Variants in ABCC3 observed in about 807,000 individuals in gnomAD.
ABCC3 encodes the protein ATP binding cassette subfamily C member 3, also known as ATP-binding cassette sub-family C member 3.
Under a neutral mutation model 165.3 loss-of-function variants are expected in ABCC3, and 121 were observed. The observed-to-expected ratio is 0.73, with a 90% CI of 0.63 to 0.85. The LOEUF (loss-of-function observed/expected upper bound fraction) is 0.85. Ranked by LOEUF, ABCC3 falls within the 40% of genes least tolerant of loss-of-function variation. The pLI is 0.00. For synonymous variants in ABCC3, 733 were observed against 810.1 expected (o/e 0.90, Z 1.62); for missense variants, 1,869 against 1,964.1 (o/e 0.95, Z 0.92).
In ABCC3 at chr17:50,676,427, T is replaced by C; in HGVS notation, c.3217T>C (p.Ser1073Pro). 6.2e-7 allele frequency: 1 copy of C among 1,614,200 alleles called. No homozygotes were observed. The highest frequency in any genetic ancestry group is 1.1e-5 in the South Asian group (1 of 91,088). The stretch of plus-strand genomic sequence containing the variant: ...ATCAGGCCGCATCCTGAACTGCTTC[T>C]CCAAGGACATCTATGTCGTTGATGA... ...TPSGRILNCFSKDIYVVDEVL... is the reference protein window; with the variant it reads ...TPSGRILNCFPKDIYVVDEVL... The change falls in exon 23 of 31, where the codon TCC (serine) becomes CCC (proline). Residue 1073 changes from serine (S) to proline (P), a missense_variant. By Grantham distance (74) the Ser-to-Pro change is moderately conservative. Transcript: ENST00000285238.
intron 17 of ABCC3, among the ~76,000 whole-genome samples, chr17:50,670,999 C>G (rs1436267811): frequency 6.6e-6 from 1 of 152,010 alleles, no homozygotes; most frequent in Non-Finnish European, 1.5e-5. Flanking sequence ...GGCATGGTGG[C>G]TCCCAGCACT....
intron 1 of ABCC3, among the ~76,000 whole-genome samples, chr17:50,648,567 G>A (rs894441948): frequency 6.6e-6 from 1 of 152,164 alleles, no homozygotes; most frequent in Non-Finnish European, 1.5e-5. Flanking sequence ...CAGTTGTTGG[G>A]GGAGTCTTCC....
rs762064825 is a variant in ABCC3, at chr17:50,687,618, G to T, written c.4363G>T (p.Ala1455Ser). 13 of 1,614,250 alleles carry T rather than the reference G, an allele frequency of 8.1e-6. No individual in the cohort carries two copies. Among genetic ancestry groups the T allele is most frequent in the Non-Finnish European group, 6.8e-6 (8 of 1,180,050 alleles). Residue 1455 changes from alanine (A) to serine (S), a missense_variant, in exon 30 of 31, where the codon GCC (alanine) becomes TCC (serine). By Grantham distance (99) the Ala-to-Ser change is moderately conservative (BLOSUM62 1). Coordinates refer to ENST00000285238, the MANE Select transcript of ABCC3 (RefSeq NM_003786.4). ...RILVLDEATA[A>S]IDLETDNLIQ... ...CCTGGTTTTAGACGAGGCCACAGCT[G>T]CCATCGACCTGGAGACTGACAACCT...
chr17:50,643,675 C>T (rs1216341356), intron 1 of ABCC3: 1 of 455,750 alleles, frequency 2.2e-6, no homozygotes, highest in East Asian at 7.0e-5. Context: ...GGTTTTCAGC[C>T]AGGCCTGTCA....
intron 14 of ABCC3, 73 bp from the exon 15 acceptor site, chr17:50,668,780 C>T (rs1967580116): frequency 1.5e-6 from 2 of 1,293,250 alleles, no homozygotes; most frequent in African/African-American, 1.5e-5. Context: ...CTTTCCCCTG[C>T]CCCCCAGCCT....
intron 1 of ABCC3, among the ~76,000 whole-genome samples, chr17:50,640,345 A>G (rs1415664026): frequency 6.6e-6 from 1 of 152,230 alleles, no homozygotes; most frequent in Admixed American, 6.5e-5. Flanking sequence ...GTCTAATCCC[A>G]GCATCAGCCC....
chr17:50,657,095 C>T lies in ABCC3; in HGVS notation c.398C>T (p.Ser133Phe), dbSNP rs752095627. 6.2e-7 allele frequency: 1 copy of T among 1,614,170 alleles called. No individual in the cohort carries two copies. Among genetic ancestry groups the T allele is most frequent in the Admixed American group, 1.7e-5 (1 of 60,016 alleles). The change falls in exon 4 of 31, where the codon TCT (serine) becomes TTT (phenylalanine). Residue 133 changes from serine to phenylalanine, a missense_variant. Coordinates refer to ENST00000285238, the MANE Select transcript of ABCC3 (RefSeq NM_003786.4). Reference sequence around the variant, plus strand: ...TATGAGCGGCTGCAGGGCGTACAGTCTTCGGGGGTCCTCATTATCTTCTGG... The same window carrying T: ...TATGAGCGGCTGCAGGGCGTACAGTTTTCGGGGGTCCTCATTATCTTCTGG... ...IQYERLQGVQ[S>F]SGVLIIFWFL...
At chr17:50,674,125 G>C (rs977660639) in intron 19 of ABCC3, 2 of 149,038 alleles carry the variant, frequency 1.3e-5, no homozygotes, top group Non-Finnish European at 2.9e-5. Context: ...GGAGTGCAGT[G>C]GTACAATCTC....
chr17:50,636,368 G>A (rs544701378), intron 1 of ABCC3, among the ~76,000 whole-genome samples: 1 of 151,036 alleles, frequency 6.6e-6, no homozygotes, highest in Non-Finnish European at 1.5e-5. Flanking sequence ...GGCAATGGAG[G>A]TAAAAAAAAA....
In ABCC3 at chr17:50,668,850, C is replaced by T. The variant is rs771243644; in HGVS notation, c.1871-3C>T. On this transcript the variant is annotated splice_region_variant and splice_polypyrimidine_tract_variant and intron_variant, in intron 14 of 30. Transcript: ENST00000285238. ...CTGACCCTGCCCACCTTGGTCCTCTCAGGCTATGCCATCACCATACACAGT... is the reference window on the plus strand; with the variant it reads ...CTGACCCTGCCCACCTTGGTCCTCTTAGGCTATGCCATCACCATACACAGT... 1.2e-6 allele frequency: 2 copies of T among 1,613,880 alleles called. No individual in the cohort carries two copies. Among genetic ancestry groups the T allele is most frequent in the Non-Finnish European group, 1.7e-6 (2 of 1,179,878 alleles).
At chr17:50,645,599 T>C (rs1293940955) in intron 1 of ABCC3, among the ~76,000 whole-genome samples, 2 of 152,068 alleles carry the variant, frequency 1.3e-5, no homozygotes, top group Non-Finnish European at 2.9e-5. Flanking sequence ...TGTATGTGTG[T>C]GTGTGTATTT....
chr17:50,643,332 C>A (rs578084782), intron 1 of ABCC3, among the ~76,000 whole-genome samples: 1 of 152,344 alleles, frequency 6.6e-6, no homozygotes, highest in Non-Finnish European at 1.5e-5. Context: ...ATGTCAGAGA[C>A]TCAGCAAGAG....
chr17:50,676,739 C>A, intron 23 of ABCC3, 151 bp downstream of exon 23: 1 of 762,598 alleles, frequency 1.3e-6, no homozygotes, highest in East Asian at 2.7e-5. Context: ...GTTAGGGGAG[C>A]CATTACTTAA....
chr17:50,673,708 C>T, intron 19 of ABCC3, 50 bp downstream of exon 19: 1 of 1,579,972 alleles, frequency 6.3e-7, no homozygotes, highest in South Asian at 1.1e-5. Context: ...CAGCATTCCC[C>T]CTGTCTGGGG....
At chr17:50,691,046 G>A (rs1968114151) in intron 30 of ABCC3, 46 bp from the exon 31 acceptor site, 4 of 1,490,674 alleles carry the variant, frequency 2.7e-6, no homozygotes, top group Non-Finnish European at 3.7e-6. Flanking sequence ...GATGTGACCA[G>A]GTCAGGGCTG....
intron 22 of ABCC3, 74 bp downstream of exon 22, chr17:50,676,164 G>A: frequency 6.3e-7 from 1 of 1,598,892 alleles, no homozygotes. Flanking sequence ...CCCAAACCGT[G>A]CCCTTGCATC....
At chr17:50,635,812 G>C (rs553511489) in intron 1 of ABCC3, 24 of 569,608 alleles carry the variant, frequency 4.2e-5, no homozygotes, top group Non-Finnish European at 6.3e-5. Context: ...CAGCCCAGGA[G>C]TTTTAGATTA....
In ABCC3 at chr17:50,677,775, A is replaced by G; in HGVS notation, c.3410A>G (p.Lys1137Arg). 6.2e-7 allele frequency: 1 copy of G among 1,614,058 alleles called. No individual in the cohort carries two copies. The highest frequency in any genetic ancestry group is 8.5e-7 in the Non-Finnish European group (1 of 1,180,018). The stretch of plus-strand genomic sequence containing the variant: ...TATGCAGCCACATCACGGCAACTGA[A>G]GCGGCTGGAATCAGTCAGCCGCTCA... ...RFYAATSRQL[K>R]RLESVSRSPI... is the part of the protein sequence containing the mutation. Residue 1137 changes from lysine to arginine, a missense_variant, in exon 24 of 31, where the codon AAG becomes AGG. By Grantham distance (26) the Lys-to-Arg change is conservative (BLOSUM62 2). Transcript: ENST00000285238.
chr17:50,640,017 G>A (rs1027191287), intron 1 of ABCC3, among the ~76,000 whole-genome samples: 10 of 152,138 alleles, frequency 6.6e-5, no homozygotes, highest in African/African-American at 2.4e-4. Flanking sequence ...GCCCACCTCA[G>A]CCTCCTAAAG....
Sources: gnomAD v4.1 joint callset for allele counts (sites outside exome capture counted in the v4.1 genomes callset) on GRCh38, gnomAD v4.1.1 for gene constraint, MANE v1.5 for transcripts, NCBI Gene and HGNC (gene_info 2026-07-23, HGNC 2026-07-21) for gene names.